The following ELOVL5 variants were observed in gnomAD, a reference collection of about 807,000 sequenced individuals.
ELOVL5 encodes ELOVL fatty acid elongase 5.
ELOVL5 carries 8 observed loss-of-function variants against 38.6 expected under a neutral mutation model. The ratio of observed to expected loss-of-function variants is 0.21; its 90% CI spans 0.12 to 0.37. The LOEUF (loss-of-function observed/expected upper bound fraction) is 0.37. Among genes scored for constraint, ELOVL5 ranks in the 10% least tolerant of loss-of-function variants. The pLI is 1.00. For synonymous variants in ELOVL5, 127 were observed against 133.7 expected, an observed-to-expected ratio of 0.95 and a Z score of 0.34; for missense variants, 280 against 367.8, an observed-to-expected ratio of 0.76 and a Z score of 1.95.
intron 1 of ELOVL5, among the ~76,000 whole-genome samples, chr6:53,320,015 T>A (rs969763147): frequency 2.6e-5 from 4 of 152,140 alleles, no homozygotes; most frequent in Admixed American, 6.5e-5. Context: ...GCTAGATTGA[T>A]TATAACTCAT....
intron 3 of ELOVL5, among the ~76,000 whole-genome samples, chr6:53,288,139 C>CA (rs1218716451): frequency 6.6e-6 from 1 of 152,110 alleles, no homozygotes; most frequent in Non-Finnish European, 1.5e-5. Flanking sequence ...AAACCTGATC[C>CA]AACCAGGTAG....
intron 1 of ELOVL5, among the ~76,000 whole-genome samples, chr6:53,303,311 G>A (rs1767336166): frequency 6.6e-6 from 1 of 152,140 alleles, no homozygotes; most frequent in South Asian, 2.1e-4. Context: ...TAAAGTGTTG[G>A]CATTTAAATA....
rs56156205 is a variant in ELOVL5 at position 53,329,194 on chromosome 6, ACTACTGCTACTG to A, written c.-9+19611_-9+19622del. Among the ~76,000 whole-genome samples, 29 of 151,482 alleles carry A rather than the reference ACTACTGCTACTG, an allele frequency of 1.9e-4. 1 individual carries two copies. The highest frequency in any genetic ancestry group is 4.2e-4 in the South Asian group (2 of 4,806). On this transcript the variant is annotated intron_variant, in intron 1 of 7. Coordinates refer to ENST00000304434, the MANE Select transcript of ELOVL5 (RefSeq NM_021814.5). The stretch of plus-strand genomic sequence containing the variant: ...TAAAGTATAACTAACTACTACTACT[ACTACTGCTACTG>A]CTACTGCTACTGCTACTACGAGATT...
At chr6:53,275,034 T>G in intron 5 of ELOVL5, 56 bp downstream of exon 5, 2 of 1,546,314 alleles carry the variant, frequency 1.3e-6, no homozygotes, top group Admixed American at 3.7e-5. Context: ...AAGCCTTAGT[T>G]TCAACTCTCC....
rs1769570268 is a variant in ELOVL5 at position 53,346,889 on chromosome 6, CAAG to C, written c.-9+1925_-9+1927del. ...ACATCCAAAAATTAAGGTCTGTAAC[CAAG>C]AAGAAGCTGTTGATTTCAGGGAATG... On this transcript the variant is annotated intron_variant, in intron 1 of 7. Transcript: ENST00000304434. Among the ~76,000 whole-genome samples the C allele has an allele frequency of 3.9e-5, 6 of 152,238 alleles. No individual in the cohort carries two copies. In the South Asian group the frequency reaches 1.2e-3, roughly 32 times the overall value.
At chr6:53,285,680 C>G (rs924240964) in intron 3 of ELOVL5, among the ~76,000 whole-genome samples, 1 of 152,174 alleles carries the variant, frequency 6.6e-6, no homozygotes, top group African/African-American at 2.4e-5. Flanking sequence ...GTGGTCATAG[C>G]TCACCGGAAC....
chr6:53,322,672 C>A (rs768111744), intron 1 of ELOVL5, among the ~76,000 whole-genome samples: 1 of 152,130 alleles, frequency 6.6e-6, no homozygotes, highest in South Asian at 2.1e-4. Context: ...AAAATCCTCA[C>A]GAGGACAACC....
chr6:53,301,114 A>G (rs76668523), intron 1 of ELOVL5, among the ~76,000 whole-genome samples: 2,981 of 152,242 alleles, frequency 0.02, 112 homozygotes, highest in African/African-American at 0.068. Context: ...GGCTATGCAA[A>G]AGTCTTGACA....
chr6:53,336,075 G>A (rs1769053901), intron 1 of ELOVL5, among the ~76,000 whole-genome samples: 1 of 152,156 alleles, frequency 6.6e-6, no homozygotes, highest in Non-Finnish European at 1.5e-5. Context: ...CGCTGCAGCT[G>A]AACCTAACTG....
Position 53,275,077 on chromosome 6 carries a change from C to T in ELOVL5, c.496+13G>A, listed in dbSNP as rs374500898. 12 of 1,613,158 alleles carry T rather than the reference C, an allele frequency of 7.4e-6. No individual in the cohort carries two copies. In the African/African-American group the frequency reaches 8.0e-5, roughly 11 times the overall value. On this transcript the variant is annotated intron_variant, in intron 5 of 7. Coordinates refer to ENST00000304434, the MANE Select transcript of ELOVL5 (RefSeq NM_021814.5). The stretch of plus-strand genomic sequence containing the variant: ...TCACACCTGTTCCCCAAGTCCCCGT[C>T]TCTAATACTTACAGTGGCCGCAGGG...
intron 2 of ELOVL5, among the ~76,000 whole-genome samples, chr6:53,292,562 G>A (rs566983320): frequency 6.1e-4 from 93 of 152,304 alleles, no homozygotes; most frequent in Middle Eastern, 6.8e-3. Flanking sequence ...ATGCCAAGGC[G>A]GGTGGATCAC....
At chr6:53,289,685 ACT>A (rs1766701328) in intron 3 of ELOVL5, among the ~76,000 whole-genome samples, 1 of 152,220 alleles carries the variant, frequency 6.6e-6, no homozygotes, top group African/African-American at 2.4e-5. Context: ...GCGCCACTGC[ACT>A]CCAGCCTGGG....
At chr6:53,324,056 C>A (rs1768408292) in intron 1 of ELOVL5, among the ~76,000 whole-genome samples, 1 of 151,792 alleles carries the variant, frequency 6.6e-6, no homozygotes, top group Admixed American at 6.6e-5. Context: ...AGTTCAAGAC[C>A]AGCCTGGTCA....
At chr6:53,326,544 C>T (rs1409740506) in intron 1 of ELOVL5, among the ~76,000 whole-genome samples, 2 of 152,160 alleles carry the variant, frequency 1.3e-5, no homozygotes, top group Non-Finnish European at 2.9e-5. Context: ...AGGGAAAGCT[C>T]CCTTACCCGC....
chr6:53,293,453 G>A (rs1254880863), intron 2 of ELOVL5, among the ~76,000 whole-genome samples: 1 of 152,092 alleles, frequency 6.6e-6, no homozygotes, highest in African/African-American at 2.4e-5. Context: ...GAGTAGCTGG[G>A]ACTATAGACA....
chr6:53,321,127 CT>C (rs1242173919), intron 1 of ELOVL5, among the ~76,000 whole-genome samples: 1 of 152,222 alleles, frequency 6.6e-6, no homozygotes, highest in Non-Finnish European at 1.5e-5. Context: ...TGCCTTCTTC[CT>C]TACGTAAGAT....
At chr6:53,325,241 A>G (rs983887102) in intron 1 of ELOVL5, among the ~76,000 whole-genome samples, 1 of 152,232 alleles carries the variant, frequency 6.6e-6, no homozygotes, top group African/African-American at 2.4e-5. Context: ...ATCCAAGGAC[A>G]GGACAATTTA....
intron 2 of ELOVL5, 22 bp downstream of exon 2, chr6:53,295,620 G>A (rs1468897313): frequency 6.3e-7 from 1 of 1,584,502 alleles, no homozygotes; most frequent in Non-Finnish European, 8.6e-7. Context: ...CAGAAGGTAA[G>A]CAAAACCAAA....
intron 1 of ELOVL5, among the ~76,000 whole-genome samples, chr6:53,318,563 G>A (rs1437075276): frequency 1.3e-5 from 2 of 151,870 alleles, no homozygotes; most frequent in Non-Finnish European, 2.9e-5. Flanking sequence ...GTGAGACCCC[G>A]CCCCATCTCT....
Sources: allele counts gnomAD v4.1 joint callset (sites outside exome capture counted in the v4.1 genomes callset), GRCh38; gene constraint gnomAD v4.1.1; transcripts MANE v1.5; gene names NCBI Gene and HGNC (gene_info 2026-07-23, HGNC 2026-07-21).